Variants in ATRN observed in about 807,000 individuals in gnomAD.
ATRN encodes the protein attractin-2.
Under a neutral mutation model 178.7 loss-of-function variants are expected in ATRN, and 54 were observed. The ratio of observed to expected loss-of-function variants is 0.30; its 90% CI spans 0.24 to 0.38. The LOEUF is 0.38. Among genes scored for constraint, ATRN ranks in the 10% least tolerant of loss-of-function variants. The pLI is 1.00. For missense variants in ATRN, 1,443 were observed against 1,815.1 expected, an observed-to-expected ratio of 0.79 and a Z score of 3.73; for synonymous variants, 636 against 663.0, an observed-to-expected ratio of 0.96 and a Z score of 0.63.
chr20:3,591,920 G>A (rs1354137945), intron 19 of ATRN, among the ~76,000 whole-genome samples: 2 of 152,160 alleles, frequency 1.3e-5, no homozygotes, highest in Admixed American at 6.5e-5. Context: ...AGCGTGACCC[G>A]TGAGGTAGAC....
At chr20:3,514,911 C>T (rs142663498) in intron 1 of ATRN, among the ~76,000 whole-genome samples, 174 of 152,232 alleles carry the variant, frequency 1.1e-3, no homozygotes, top group African/African-American at 3.9e-3. Context: ...GAGCCATGAT[C>T]CCACCACTGC....
At chr20:3,608,255 G>A (rs2086705190) in intron 24 of ATRN, among the ~76,000 whole-genome samples, 1 of 151,930 alleles carries the variant, frequency 6.6e-6, no homozygotes, top group Non-Finnish European at 1.5e-5. Flanking sequence ...CTGTGATTTC[G>A]ACATCTTACA....
rs751143056 is a variant in ATRN at position 3,560,818 on chromosome 20, C to G, written c.1360C>G (p.Leu454Val). Residue 454 changes from leucine to valine, a missense_variant, in exon 8 of 29, where the codon CTG (leucine) becomes GTG (valine). Leu to Val is a conservative substitution (Grantham distance 32). Coordinates refer to ENST00000262919, the MANE Select transcript of ATRN (RefSeq NM_139321.3). ...VVGHSAHIVT[L>V]KNGRVVMLVI... Reference sequence around the variant, plus strand: ...TGGGCACTCTGCACACATTGTTACACTGAAGAATGGCCGAGTGGTCATGCT... The same window carrying G: ...TGGGCACTCTGCACACATTGTTACAGTGAAGAATGGCCGAGTGGTCATGCT... 4 of 1,614,170 alleles carry G rather than the reference C, an allele frequency of 2.5e-6. No individual in the cohort carries two copies. Among genetic ancestry groups the G allele is most frequent in the Admixed American group, 1.7e-5 (1 of 60,018 alleles).
chr20:3,636,665 A>G (rs1459832913), intron 26 of ATRN, among the ~76,000 whole-genome samples: 3 of 152,206 alleles, frequency 2.0e-5, no homozygotes, highest in Admixed American at 6.5e-5. Context: ...TCTCAAACCT[A>G]TGAAATAGGT....
In ATRN at chr20:3,547,608, G is replaced by A. The variant is rs148724830; in HGVS notation, c.943+119G>A. ...ATTTATATTAATCAAATACGAGGTA[G>A]CATTTAAGCTTGAAACATCCCTCTA... On this transcript the variant is annotated intron_variant, in intron 5 of 28. Transcript: ENST00000262919. 1.2e-4 allele frequency: 102 copies of A among 879,540 alleles called. 1 individual carries two copies. Among genetic ancestry groups the A allele is most frequent in the Middle Eastern group, 1.0e-3 (3 of 2,920 alleles). 54.5% of individuals were successfully genotyped at this position (879,540 alleles called of 1,614,324 possible).
At chr20:3,584,430 GC>G (rs1373168624) in intron 17 of ATRN, among the ~76,000 whole-genome samples, 6 of 152,070 alleles carry the variant, frequency 3.9e-5, no homozygotes, top group African/African-American at 1.4e-4. Context: ...GGTCCCTTTT[GC>G]CTTCAACATC....
At chr20:3,569,859 C>A (rs917399575) in intron 11 of ATRN, among the ~76,000 whole-genome samples, 2 of 152,072 alleles carry the variant, frequency 1.3e-5, no homozygotes, top group Non-Finnish European at 2.9e-5. Flanking sequence ...TTGCTTGAGT[C>A]CAGGAGTTCA....
rs770741733 is a variant in ATRN at position 3,591,201 on chromosome 20, A to C, written c.3217A>C (p.Asn1073His). The C allele has an allele frequency of 6.2e-7, 1 of 1,614,172 alleles. No individual in the cohort carries two copies. The highest frequency in any genetic ancestry group is 8.5e-7 in the Non-Finnish European group (1 of 1,179,996). ...ATGCAACGGCCACAGTAAATGCATCAATCAGAGCATCTGTGAGAAGTGTGA... is the reference window on the plus strand; with the variant it reads ...ATGCAACGGCCACAGTAAATGCATCCATCAGAGCATCTGTGAGAAGTGTGA... Reference protein sequence around the residue: ...CQCNGHSKCINQSICEKCENL... With the variant: ...CQCNGHSKCIHQSICEKCENL... Residue 1073 changes from asparagine (N) to histidine (H), a missense_variant, in exon 19 of 29, where the codon AAT becomes CAT. By Grantham distance (68) the Asn-to-His change is moderately conservative (BLOSUM62 1). This residue lies in a region of ATRN where 80 missense variants were observed against 71.5 expected (regional missense o/e 1.12). Transcript: ENST00000262919.
chr20:3,633,875 G>A (rs1026963588), intron 25 of ATRN, among the ~76,000 whole-genome samples: 5 of 152,040 alleles, frequency 3.3e-5, no homozygotes, highest in Admixed American at 6.6e-5. Context: ...CATTTCTTCT[G>A]TTTGCCTCTT....
At chr20:3,557,372 AC>A (rs1276575702) in intron 6 of ATRN, among the ~76,000 whole-genome samples, 1 of 152,234 alleles carries the variant, frequency 6.6e-6, no homozygotes, top group African/African-American at 2.4e-5. Flanking sequence ...CATTTTCAGT[AC>A]CAGCAGTGTT....
intron 1 of ATRN, among the ~76,000 whole-genome samples, chr20:3,497,025 A>T (rs943296047): frequency 6.6e-6 from 1 of 151,774 alleles, no homozygotes; most frequent in Non-Finnish European, 1.5e-5. Flanking sequence ...TAGATCTTCC[A>T]CCATCCTTTT....
intron 19 of ATRN, among the ~76,000 whole-genome samples, chr20:3,593,547 A>G (rs1427145639): frequency 2.6e-5 from 4 of 152,200 alleles, no homozygotes; most frequent in Non-Finnish European, 5.9e-5. Flanking sequence ...ATTCAAACCC[A>G]GGCAGATGGA....
At chr20:3,471,660 C>A in intron 1 of ATRN, 143 bp downstream of exon 1, 1 of 1,139,090 alleles carries the variant, frequency 8.8e-7, no homozygotes, top group Non-Finnish European at 1.1e-6. Context: ...GGGCCATTTG[C>A]TTCCGGGGAG....
chr20:3,530,446 T>C (rs1226470496), intron 1 of ATRN, among the ~76,000 whole-genome samples: 1 of 149,670 alleles, frequency 6.7e-6, no homozygotes, highest in Non-Finnish European at 1.5e-5. Context: ...TTTTCTTTTT[T>C]TTTTTTGTAT....
Position 3,522,945 on chromosome 20 carries a change from C to T in ATRN, c.411-12308C>T, listed in dbSNP as rs553575145. On this transcript the variant is annotated intron_variant, in intron 1 of 28. Transcript: ENST00000262919. The stretch of plus-strand genomic sequence containing the variant: ...CAAAGACCAAAGGTAGATAAATCCA[C>T]GAAGATAAAGAAAAACCAGCGCAAA... 5.9e-5 allele frequency among the ~76,000 whole-genome samples: 9 copies of T among 152,174 alleles called. No individual in the cohort carries two copies. In the South Asian group the frequency reaches 1.5e-3, roughly 25 times the overall value.
At position 3,572,746 on chromosome 20, in the gene ATRN, C is replaced by T. The variant is rs768880736; in HGVS notation, c.1887C>T (p.Phe629=). The T allele has an allele frequency of 2.4e-5, 39 of 1,613,542 alleles. 1 individual carries two copies. The highest frequency in any genetic ancestry group is 3.0e-5 in the Non-Finnish European group (35 of 1,179,890). The change falls in exon 12 of 29, where the codon TTC becomes TTT. Residue 629 remains phenylalanine, a synonymous_variant. Transcript: ENST00000262919. ...AVLHNSTMYV[F]GGFNSLLLSD... ...TTCCTCTTAGCACCATGTATGTGTT[C>T]GGTGGTTTCAATAGTCTCCTCCTCA...
At chr20:3,481,464 C>G (rs1410444171) in intron 1 of ATRN, among the ~76,000 whole-genome samples, 1 of 152,130 alleles carries the variant, frequency 6.6e-6, no homozygotes, top group Non-Finnish European at 1.5e-5. Context: ...CCTCCCACCT[C>G]AGCGTCCTGA....
rs2085923676 is a variant in ATRN, at chr20:3,559,559, G to T, written c.1203+76G>T. On this transcript the variant is annotated intron_variant, in intron 7 of 28. Transcript: ENST00000262919. ...ACTTCATGTATTACATAGTTGAAAA[G>T]CTACCTCAGTGTTGGTTTTTAATTG... The T allele has an allele frequency of 7.3e-6, 9 of 1,233,090 alleles. No individual in the cohort carries two copies. In the Admixed American group the frequency reaches 9.0e-5, roughly 12 times the overall value. The allele number at this position is 1,233,090 out of a possible 1,614,324, so 76.4% of individuals were successfully genotyped here.
At chr20:3,549,548 C>T (rs191709090) in intron 6 of ATRN, among the ~76,000 whole-genome samples, 1 of 152,268 alleles carries the variant, frequency 6.6e-6, no homozygotes, top group Non-Finnish European at 1.5e-5. Context: ...GATAAGCATT[C>T]ACCTCTTTTC....
Sources: allele counts gnomAD v4.1 joint callset (sites outside exome capture counted in the v4.1 genomes callset), GRCh38; gene constraint gnomAD v4.1.1; regional missense constraint gnomAD v4.1.1; transcripts MANE v1.5; gene names NCBI Gene and HGNC (gene_info 2026-07-23, HGNC 2026-07-21).